Variants in GRM5 observed in about 807,000 individuals in gnomAD.
GRM5 encodes the protein metabotropic glutamate receptor 5.
GRM5 carries 19 observed loss-of-function variants against 83.1 expected under a neutral mutation model. That is an observed-to-expected ratio of 0.23 (90% CI 0.16 to 0.34). GRM5 has a LOEUF of 0.34. Ranked by LOEUF, GRM5 falls within the 10% of genes least tolerant of loss-of-function variation. GRM5 has a pLI of 1.00. For synonymous variants in GRM5, 675 were observed against 633.6 expected, an observed-to-expected ratio of 1.07 and a Z score of -0.98; for missense variants, 1,160 against 1,588.3, an observed-to-expected ratio of 0.73 and a Z score of 4.58.
At chr11:88,922,920 T>C (rs1413142916) in intron 2 of GRM5, among the ~76,000 whole-genome samples, 2 of 152,134 alleles carry the variant, frequency 1.3e-5, no homozygotes, top group African/African-American at 4.8e-5. Flanking sequence ...GCAAAATATC[T>C]GAATACACAT....
chr11:88,993,033 T>C (rs1440091112), intron 2 of GRM5, among the ~76,000 whole-genome samples: 3 of 149,106 alleles, frequency 2.0e-5, no homozygotes, highest in African/African-American at 7.4e-5. Context: ...ATAAATAAAA[T>C]AATAAAAAAA....
intron 2 of GRM5, among the ~76,000 whole-genome samples, chr11:89,040,458 C>T (rs1941503161): frequency 6.6e-6 from 1 of 152,122 alleles, no homozygotes; most frequent in South Asian, 2.1e-4. Flanking sequence ...ACCTGTAATT[C>T]CAGCACTTCA....
intron 2 of GRM5, among the ~76,000 whole-genome samples, chr11:88,894,278 A>G (rs1421479532): frequency 1.3e-5 from 2 of 151,976 alleles, no homozygotes; most frequent in Non-Finnish European, 2.9e-5. Flanking sequence ...CTCAAACTGG[A>G]CTACAAAATT....
chr11:88,887,274 G>A (rs1351443501), intron 2 of GRM5, among the ~76,000 whole-genome samples: 1 of 152,182 alleles, frequency 6.6e-6, no homozygotes, highest in East Asian at 1.9e-4. Flanking sequence ...TACTTAATTA[G>A]TAAGGGGATT....
At chr11:88,964,381 T>TA (rs397848589) in intron 2 of GRM5, among the ~76,000 whole-genome samples, 5 of 151,674 alleles carry the variant, frequency 3.3e-5, no homozygotes, top group Admixed American at 2.0e-4. Flanking sequence ...GTTTTTTTTT[T>TA]AAAGACTAGA....
intron 3 of GRM5, among the ~76,000 whole-genome samples, chr11:88,803,192 G>A (rs1490503041): frequency 6.6e-6 from 1 of 150,788 alleles, no homozygotes; most frequent in South Asian, 2.1e-4. Context: ...CTACTTTAAA[G>A]TTCATATGGA....
At chr11:88,757,646 A>G (rs1362273131) in intron 3 of GRM5, among the ~76,000 whole-genome samples, 2 of 152,002 alleles carry the variant, frequency 1.3e-5, no homozygotes, top group African/African-American at 4.8e-5. Flanking sequence ...CCAATAAGGG[A>G]TGTCCTCCTC....
At chr11:88,901,446 T>G (rs1467165444) in intron 2 of GRM5, among the ~76,000 whole-genome samples, 1 of 152,160 alleles carries the variant, frequency 6.6e-6, no homozygotes, top group Non-Finnish European at 1.5e-5. Flanking sequence ...CCTAGTTCTT[T>G]CTGACTCTAA....
chr11:88,882,226 C>T (rs1944964940), intron 2 of GRM5, among the ~76,000 whole-genome samples: 1 of 113,940 alleles, frequency 8.8e-6, no homozygotes, highest in African/African-American at 3.7e-5. Context: ...AACAGAGTGA[C>T]ACTCTGAATC....
At chr11:88,568,815 A>G (rs1942924438) in intron 7 of GRM5, among the ~76,000 whole-genome samples, 1 of 152,170 alleles carries the variant, frequency 6.6e-6, no homozygotes, top group South Asian at 2.1e-4. Flanking sequence ...TGTGGTCTAG[A>G]TGTTTTAGAA....
intron 4 of GRM5, among the ~76,000 whole-genome samples, chr11:88,617,372 A>G (rs1462749611): frequency 6.6e-6 from 1 of 152,092 alleles, no homozygotes; most frequent in Non-Finnish European, 1.5e-5. Context: ...AAATAACAGA[A>G]CTCAAAACAT....
intron 4 of GRM5, among the ~76,000 whole-genome samples, chr11:88,647,002 C>T (rs746623098): frequency 2.0e-5 from 3 of 151,880 alleles, no homozygotes; most frequent in Admixed American, 6.6e-5. Flanking sequence ...TGTCATACTC[C>T]CTCTGAGACT....
intron 8 of GRM5, among the ~76,000 whole-genome samples, chr11:88,532,938 T>C (rs1042555038): frequency 2.0e-5 from 3 of 152,160 alleles, no homozygotes; most frequent in Non-Finnish European, 4.4e-5. Flanking sequence ...TTCTCACCAG[T>C]ATTTATTACC....
chr11:88,541,539 C>T (rs184267396), intron 8 of GRM5, among the ~76,000 whole-genome samples: 2 of 152,250 alleles, frequency 1.3e-5, no homozygotes, highest in Admixed American at 6.5e-5. Flanking sequence ...ATTTGTCTAA[C>T]TTGACTGGGC....
At chr11:88,952,810 G>GA (rs1244964227) in intron 2 of GRM5, among the ~76,000 whole-genome samples, 3 of 150,764 alleles carry the variant, frequency 2.0e-5, no homozygotes, top group African/African-American at 4.9e-5. Flanking sequence ...TCTTAAATGA[G>GA]AAAAAAAGAG....
At chr11:89,003,527 T>A (rs553965385) in intron 2 of GRM5, among the ~76,000 whole-genome samples, 1 of 152,228 alleles carries the variant, frequency 6.6e-6, no homozygotes, top group Admixed American at 6.5e-5. Context: ...GAAAAAGGAC[T>A]AGCTAGATGG....
At chr11:88,712,602 G>A (rs1340031553) in intron 3 of GRM5, among the ~76,000 whole-genome samples, 1 of 152,006 alleles carries the variant, frequency 6.6e-6, no homozygotes, top group Non-Finnish European at 1.5e-5. Context: ...AGGCAACTCA[G>A]TCATCTTAGG....
intron 4 of GRM5, among the ~76,000 whole-genome samples, chr11:88,636,991 C>T (rs1263353360): frequency 6.6e-6 from 1 of 152,164 alleles, no homozygotes; most frequent in African/African-American, 2.4e-5. Flanking sequence ...AGCGTGATGC[C>T]TCCAGCCTTG....
chr11:88,568,004 C>T lies in GRM5; in HGVS notation c.1691-12G>A. On this transcript the variant is annotated splice_polypyrimidine_tract_variant and intron_variant, in intron 7 of 9. Transcript: ENST00000305447. Reference sequence around the variant, plus strand: ...GATCAAGTCACAACCTGCAGAGACACAAACACATATTGTAAAGGAGGGAGA... The same window carrying T: ...GATCAAGTCACAACCTGCAGAGACATAAACACATATTGTAAAGGAGGGAGA... 1 of 1,559,862 alleles carries T rather than the reference C, an allele frequency of 6.4e-7. No homozygotes were observed. The highest frequency in any genetic ancestry group is 8.8e-7 in the Non-Finnish European group (1 of 1,135,144).
Sources: allele counts gnomAD v4.1 joint callset (sites outside exome capture counted in the v4.1 genomes callset), GRCh38; gene constraint gnomAD v4.1.1; transcripts MANE v1.5; gene names NCBI Gene and HGNC (gene_info 2026-07-23, HGNC 2026-07-21).